The following ADAMTS9 variants were observed in gnomAD, a reference collection of about 807,000 sequenced individuals.
ADAMTS9 encodes the protein A disintegrin and metalloproteinase with thrombospondin motifs 9.
A neutral mutation model predicts 257.1 loss-of-function variants in ADAMTS9; 107 were observed. The observed-to-expected ratio is 0.42, with a 90% confidence interval of 0.36 to 0.49. ADAMTS9 has a LOEUF of 0.49. Among genes scored for constraint, ADAMTS9 ranks in the 20% least tolerant of loss-of-function variants. The pLI, the probability that ADAMTS9 is intolerant of heterozygous loss-of-function variation, is 0.03. For missense variants in ADAMTS9, 2,353 were observed against 2,469.1 expected (o/e 0.95, Z 1.00); for synonymous variants, 982 against 880.9 (o/e 1.11, Z -2.03).
At chr3:64,567,562 G>C (rs182140770) in intron 29 of ADAMTS9, among the ~76,000 whole-genome samples, 101 of 152,286 alleles carry the variant, frequency 6.6e-4, no homozygotes, top group African/African-American at 2.3e-3. Flanking sequence ...CACATATCCA[G>C]TGTTTAGAGA....
chr3:64,541,237 T>C lies in ADAMTS9; in HGVS notation c.5388-9A>G, dbSNP rs1265730247. On this transcript the variant is annotated splice_polypyrimidine_tract_variant and intron_variant, in intron 35 of 39. Coordinates refer to ENST00000498707, the MANE Select transcript of ADAMTS9 (RefSeq NM_182920.2). Reference sequence around the variant, plus strand: ...CTGTTGGGTTGTGTAACCTAAATTATACAGAGAATGTTCTGGTAAGGATGG... The same window carrying C: ...CTGTTGGGTTGTGTAACCTAAATTACACAGAGAATGTTCTGGTAAGGATGG... 5 of 1,614,170 alleles carry C rather than the reference T, an allele frequency of 3.1e-6. No individual in the cohort carries two copies. The highest frequency in any genetic ancestry group is 1.7e-5 in the Admixed American group (1 of 60,018).
intron 3 of ADAMTS9, among the ~76,000 whole-genome samples, chr3:64,669,656 C>T (rs1036857720): frequency 6.6e-6 from 1 of 152,134 alleles, no homozygotes; most frequent in Non-Finnish European, 1.5e-5. Context: ...GAGATTCCCC[C>T]TGAGCCACTG....
chr3:64,681,759 C>T (rs1701763033), intron 2 of ADAMTS9, among the ~76,000 whole-genome samples: 1 of 151,982 alleles, frequency 6.6e-6, no homozygotes, highest in South Asian at 2.1e-4. Context: ...TGCCCAGGCT[C>T]AATATGTTGC....
chr3:64,602,587 T>C (rs2084485250), intron 25 of ADAMTS9, among the ~76,000 whole-genome samples: 1 of 152,178 alleles, frequency 6.6e-6, no homozygotes, highest in Non-Finnish European at 1.5e-5. Context: ...ACTCCAGCTA[T>C]GCTGGCCTTA....
intron 8 of ADAMTS9, among the ~76,000 whole-genome samples, chr3:64,652,613 T>G (rs767002091): frequency 6.6e-6 from 1 of 152,178 alleles, no homozygotes; most frequent in Non-Finnish European, 1.5e-5. Flanking sequence ...AGCTGAAAAT[T>G]TATTTTCATT....
rs779421687 is a variant in ADAMTS9, at chr3:64,658,494, G to A, written c.969+8C>T. 6.2e-6 allele frequency: 10 copies of A among 1,606,324 alleles called. No individual in the cohort carries two copies. The highest frequency in any genetic ancestry group is 1.7e-4 in the Middle Eastern group (1 of 6,014). ...CCTCATAAATCACCTTCGTTTGAAT[G>A]TACTTACAATTGACATTAAAGTTAA... On this transcript the variant is annotated splice_region_variant and intron_variant, in intron 4 of 39. Coordinates refer to ENST00000498707, the MANE Select transcript of ADAMTS9 (RefSeq NM_182920.2).
At chr3:64,667,852 C>A (rs1701387903) in intron 3 of ADAMTS9, among the ~76,000 whole-genome samples, 1 of 152,170 alleles carries the variant, frequency 6.6e-6, no homozygotes, top group Non-Finnish European at 1.5e-5. Flanking sequence ...GAACTATTAC[C>A]TTCATTTCAG....
chr3:64,647,895 A>C, intron 11 of ADAMTS9, 45 bp downstream of exon 11: 1 of 1,554,510 alleles, frequency 6.4e-7, no homozygotes, highest in South Asian at 1.2e-5. Context: ...AAAATCTTGC[A>C]CATTTCTGCC....
rs913366634 is a variant in ADAMTS9, at chr3:64,616,062, C to T, written c.2922G>A (p.Lys974=). 6.2e-7 allele frequency: 1 copy of T among 1,613,986 alleles called. No individual in the cohort carries two copies. The highest frequency in any genetic ancestry group is 1.3e-5 in the African/African-American group (1 of 74,908). Residue 974 remains lysine, a synonymous_variant, in exon 20 of 40, where the codon AAG becomes AAA. Transcript: ENST00000498707. ...KYSRLDGKTE[K]VDDGFCSSHP... Reference sequence around the variant, plus strand: ...GGCTGCTGCAAAAACCATCATCAACCTTCTCAGTCTTCCCATCCAGCCTGC... The same window carrying T: ...GGCTGCTGCAAAAACCATCATCAACTTTCTCAGTCTTCCCATCCAGCCTGC...
intron 3 of ADAMTS9, among the ~76,000 whole-genome samples, chr3:64,665,868 C>A (rs944680011): frequency 2.6e-5 from 4 of 152,160 alleles, no homozygotes; most frequent in African/African-American, 9.7e-5. Context: ...TAAATACTTG[C>A]TTCCATCTTA....
chr3:64,572,980 A>C (rs1397970091), intron 28 of ADAMTS9, among the ~76,000 whole-genome samples: 1 of 150,260 alleles, frequency 6.7e-6, no homozygotes, highest in Non-Finnish European at 1.5e-5. Context: ...CAGGAGGCTG[A>C]GGAAGGAGAA....
chr3:64,617,430 G>A (rs193256576), intron 19 of ADAMTS9, among the ~76,000 whole-genome samples: 10 of 152,298 alleles, frequency 6.6e-5, no homozygotes, highest in Admixed American at 6.5e-4. Flanking sequence ...GAATCTTGAA[G>A]AGTCTATGGA....
chr3:64,599,479 T>G (rs1001562649), intron 26 of ADAMTS9, among the ~76,000 whole-genome samples: 9 of 152,242 alleles, frequency 5.9e-5, no homozygotes, highest in Admixed American at 3.9e-4. Context: ...TTTTTCTACC[T>G]GCTCAAATCA....
chr3:64,575,309 G>C (rs1042678292), intron 28 of ADAMTS9, among the ~76,000 whole-genome samples: 2 of 152,208 alleles, frequency 1.3e-5, no homozygotes, highest in Non-Finnish European at 2.9e-5. Flanking sequence ...GAGAAAAGGA[G>C]AGATGTTGTG....
At chr3:64,648,251 C>T (rs189359445) in intron 10 of ADAMTS9, among the ~76,000 whole-genome samples, 281 of 152,278 alleles carry the variant, frequency 1.8e-3, no homozygotes, top group Non-Finnish European at 3.2e-3. Context: ...CCCATGTACC[C>T]ACCACCAAGC....
intron 3 of ADAMTS9, among the ~76,000 whole-genome samples, chr3:64,661,306 TATA>T (rs1291412154): frequency 4.4e-5 from 6 of 135,370 alleles, no homozygotes; most frequent in South Asian, 2.8e-4. Flanking sequence ...TTTGTATACA[TATA>T]TGAGCTTTCA....
chr3:64,665,929 T>G (rs1701345249), intron 3 of ADAMTS9, among the ~76,000 whole-genome samples: 1 of 152,198 alleles, frequency 6.6e-6, no homozygotes. Flanking sequence ...TTCTTATAAA[T>G]TATAAGTTAC....
In ADAMTS9 at chr3:64,578,082, G is replaced by C. The variant is rs371543519; in HGVS notation, c.4357-9547C>G. ...ATATTAATGCCAACTCCAGAACTAA[G>C]ATTTGCATACGTGTCTGAGCCTGTA... On this transcript the variant is annotated intron_variant, in intron 28 of 39. Transcript: ENST00000498707. Among the ~76,000 whole-genome samples the C allele has an allele frequency of 3.9e-5, 6 of 152,126 alleles. No homozygotes were observed. The East Asian group carries it at 5.8e-4, about 15-fold the overall frequency.
At chr3:64,555,200 AG>A (rs2083317779) in intron 30 of ADAMTS9, among the ~76,000 whole-genome samples, 1 of 152,230 alleles carries the variant, frequency 6.6e-6, no homozygotes, top group Non-Finnish European at 1.5e-5. Flanking sequence ...CAGTTTATCT[AG>A]CGTTGCTTTA....
Sources: gnomAD v4.1 joint callset for allele counts (sites outside exome capture counted in the v4.1 genomes callset) on GRCh38, gnomAD v4.1.1 for gene constraint, MANE v1.5 for transcripts, NCBI Gene and HGNC (gene_info 2026-07-23, HGNC 2026-07-21) for gene names.